The following DNER variants were observed in gnomAD, a reference collection of about 807,000 sequenced individuals.
DNER encodes delta and Notch-like epidermal growth factor-related receptor.
In DNER, 33 loss-of-function variants were observed where a neutral mutation model predicts 78.2. The ratio of observed to expected loss-of-function variants is 0.42; its 90% CI spans 0.32 to 0.56. The LOEUF (loss-of-function observed/expected upper bound fraction) is 0.56. Among genes scored for constraint, DNER ranks in the 20% least tolerant of loss-of-function variants. The pLI, the probability that DNER is intolerant of heterozygous loss-of-function variation, is 0.11. For synonymous variants in DNER, 417 were observed against 384.8 expected (o/e 1.08, Z -0.98); for missense variants, 918 against 975.3 (o/e 0.94, Z 0.78).
chr2:229,632,695 T>C (rs151313006), intron 1 of DNER, among the ~76,000 whole-genome samples: 8 of 152,284 alleles, frequency 5.3e-5, no homozygotes, highest in Non-Finnish European at 1.0e-4. Flanking sequence ...TTAACATAGG[T>C]AGTCCAGATC....
intron 4 of DNER, 76 bp downstream of exon 4, chr2:229,585,782 T>A: frequency 6.6e-7 from 1 of 1,523,882 alleles, no homozygotes; most frequent in Non-Finnish European, 9.0e-7. Context: ...CAAAATTCCC[T>A]ACCTACTGTC....
At chr2:229,443,313 T>C (rs1214592361) in intron 8 of DNER, among the ~76,000 whole-genome samples, 21 of 152,142 alleles carry the variant, frequency 1.4e-4, no homozygotes, top group Admixed American at 1.2e-3. Flanking sequence ...AGGCCACCAT[T>C]GTATTGAGAA....
At chr2:229,669,508 C>A (rs1437501003) in intron 1 of DNER, among the ~76,000 whole-genome samples, 1 of 151,936 alleles carries the variant, frequency 6.6e-6, no homozygotes, top group Non-Finnish European at 1.5e-5. Flanking sequence ...TTTGGGCATA[C>A]GGCCATTTGC....
intron 5 of DNER, among the ~76,000 whole-genome samples, chr2:229,533,667 G>A (rs565498702): frequency 1.1e-3 from 161 of 152,172 alleles, no homozygotes; most frequent in Middle Eastern, 6.8e-3. Flanking sequence ...ATCGTTCACC[G>A]TGACCTGAGG....
chr2:229,480,483 T>A (rs1377580844), intron 6 of DNER, among the ~76,000 whole-genome samples: 1 of 152,212 alleles, frequency 6.6e-6, no homozygotes, highest in Non-Finnish European at 1.5e-5. Context: ...GAACCACAAC[T>A]GTCTGATAAT....
intron 6 of DNER, among the ~76,000 whole-genome samples, chr2:229,499,945 T>C (rs78131001): frequency 6.6e-6 from 1 of 150,886 alleles, no homozygotes; most frequent in Admixed American, 6.6e-5. Context: ...TTTTTTTTTT[T>C]TCTCTTCAAG....
Position 229,494,424 on chromosome 2 carries a change from C to T in DNER, c.1148-17171G>A, listed in dbSNP as rs546105388. 1.1e-4 allele frequency among the ~76,000 whole-genome samples: 16 copies of T among 152,278 alleles called. No homozygotes were observed. In the South Asian group the frequency reaches 3.3e-3, roughly 32 times the overall value. On this transcript the variant is annotated intron_variant, in intron 6 of 12. Transcript: ENST00000341772. The stretch of plus-strand genomic sequence containing the variant: ...GATATTCCCATTCCAAAAGGAAGAA[C>T]TAGGAAGGAAAGAAGAGGTGGCAAG...
intron 1 of DNER, among the ~76,000 whole-genome samples, chr2:229,688,608 T>C (rs1699522831): frequency 6.6e-6 from 1 of 152,152 alleles, no homozygotes; most frequent in South Asian, 2.1e-4. Context: ...AAATACCACG[T>C]TTCTAACACT....
intron 1 of DNER, among the ~76,000 whole-genome samples, chr2:229,615,271 C>T (rs1202932144): frequency 2.0e-5 from 3 of 151,778 alleles, no homozygotes; most frequent in South Asian, 4.2e-4. Flanking sequence ...ATTAGCCAGG[C>T]GTGGTGGCAC....
chr2:229,557,044 G>A (rs1696866865), intron 4 of DNER, among the ~76,000 whole-genome samples: 1 of 152,166 alleles, frequency 6.6e-6, no homozygotes. Flanking sequence ...AACTGCAGCT[G>A]GGTCAGAAGC....
At chr2:229,586,831 T>A (rs1350303225) in intron 3 of DNER, 1 of 985,814 alleles carries the variant, frequency 1.0e-6, no homozygotes, top group South Asian at 4.7e-5. Flanking sequence ...AAGATCACAG[T>A]AGACTCCGCA....
At chr2:229,514,808 T>C (rs13010630) in intron 5 of DNER, among the ~76,000 whole-genome samples, 107,896 of 152,068 alleles carry the variant, frequency 0.71, 38,762 homozygotes, top group South Asian at 0.79. Context: ...AGTGTGCAGA[T>C]CCCTCACAAA....
At chr2:229,545,193 C>T (rs1415175628) in intron 5 of DNER, among the ~76,000 whole-genome samples, 1 of 152,168 alleles carries the variant, frequency 6.6e-6, no homozygotes, top group African/African-American at 2.4e-5. Flanking sequence ...TAGATGTCCC[C>T]TAATGGAACA....
At chr2:229,624,048 C>T (rs1386666509) in intron 1 of DNER, among the ~76,000 whole-genome samples, 1 of 152,174 alleles carries the variant, frequency 6.6e-6, no homozygotes, top group Non-Finnish European at 1.5e-5. Flanking sequence ...AGCTCCCCAG[C>T]CACCCCAGCT....
chr2:229,439,981 G>A (rs1430530803), intron 8 of DNER, among the ~76,000 whole-genome samples: 4 of 152,184 alleles, frequency 2.6e-5, no homozygotes, highest in Admixed American at 6.5e-5. Context: ...AATTTTGAGG[G>A]AAAGTCAGGG....
At chr2:229,540,468 C>T (rs758208793) in intron 5 of DNER, among the ~76,000 whole-genome samples, 3 of 152,076 alleles carry the variant, frequency 2.0e-5, no homozygotes, top group Admixed American at 6.5e-5. Context: ...CACATGGTTT[C>T]GGAACAGGAG....
chr2:229,546,994 C>A lies in DNER; in HGVS notation c.946G>T (p.Asp316Tyr). 4.3e-6 allele frequency: 7 copies of A among 1,614,170 alleles called. No individual in the cohort carries two copies. The highest frequency in any genetic ancestry group is 5.9e-6 in the Non-Finnish European group (7 of 1,180,028). The change falls in exon 5 of 13, where the codon GAC becomes TAC. Residue 316 changes from aspartate to tyrosine, a missense_variant. By Grantham distance (160) the Asp-to-Tyr change is radical. Coordinates refer to ENST00000341772, the MANE Select transcript of DNER (RefSeq NM_139072.4). ...TTTCCTTTTCCTGAACACTCCAAGT[C>A]ATTTGCGTGACTCTCCCCCGGCACA... Reference protein sequence around the residue: ...TCVPGESHANDLECSGKGKCT... With the variant: ...TCVPGESHANYLECSGKGKCT...
At chr2:229,397,463 C>CA (rs763572496) in intron 10 of DNER, among the ~76,000 whole-genome samples, 1,952 of 96,584 alleles carry the variant, frequency 0.02, 76 homozygotes, top group Non-Finnish European at 0.026. Flanking sequence ...CCAAACACTA[C>CA]AAAAAAAAAA....
intron 1 of DNER, among the ~76,000 whole-genome samples, chr2:229,687,322 G>A (rs1036572428): frequency 6.9e-6 from 1 of 144,328 alleles, no homozygotes; most frequent in African/African-American, 2.6e-5. Flanking sequence ...GCAGTGTAGT[G>A]GCACGATCTC....
Sources: allele counts gnomAD v4.1 joint callset (sites outside exome capture counted in the v4.1 genomes callset), GRCh38; gene constraint gnomAD v4.1.1; transcripts MANE v1.5; gene names NCBI Gene and HGNC (gene_info 2026-07-23, HGNC 2026-07-21).